LRP8: variants seen among roughly 807,000 people sequenced by gnomAD.
LRP8 encodes the protein LDL receptor related protein 8.
Under a neutral mutation model 111.6 loss-of-function variants are expected in LRP8, and 46 were observed. The ratio of observed to expected loss-of-function variants is 0.41; its 90% CI spans 0.33 to 0.53. LRP8 has a LOEUF of 0.53. Ranked by LOEUF, LRP8 falls within the 20% of genes least tolerant of loss-of-function variation. The pLI is 0.20. For synonymous variants in LRP8, 464 were observed against 511.2 expected, an observed-to-expected ratio of 0.91 and a Z score of 1.24; for missense variants, 959 against 1,297.4, an observed-to-expected ratio of 0.74 and a Z score of 4.01.
At chr1:53,283,375 CG>C (rs1245213406) in intron 3 of LRP8, among the ~76,000 whole-genome samples, 1 of 151,932 alleles carries the variant, frequency 6.6e-6, no homozygotes, top group East Asian at 1.9e-4. Context: ...GTGCAAATTC[CG>C]GGGGTGCCAT....
intron 2 of LRP8, among the ~76,000 whole-genome samples, chr1:53,314,016 G>A (rs981021283): frequency 1.3e-5 from 2 of 152,120 alleles, no homozygotes; most frequent in Admixed American, 6.5e-5. Flanking sequence ...GGTGAGTGTC[G>A]GGACCTTCTT....
In LRP8 at chr1:53,244,711, T is replaced by C. The variant is rs1369263437; in HGVS notation, c.*2307A>G. 6.6e-6 allele frequency: 1 copy of C among 152,238 alleles called. No individual in the cohort carries two copies. Among genetic ancestry groups the C allele is most frequent in the Non-Finnish European group, 1.5e-5 (1 of 68,030 alleles). The allele number at this position is 152,238 out of a possible 1,614,324, so 9.4% of individuals were successfully genotyped here. A position where few individuals can be genotyped will look rare whatever the true frequency, so the allele number is the denominator to read the frequency against. Reference sequence around the variant, plus strand: ...TTTTTTTCTGTGAATGCCAGGATCTTACTGAAAGTTTAGAAACTATGCCTT... The same window carrying C: ...TTTTTTTCTGTGAATGCCAGGATCTCACTGAAAGTTTAGAAACTATGCCTT... On this transcript the variant is annotated 3_prime_UTR_variant, in exon 19 of 19. Transcript: ENST00000306052.
chr1:53,314,781 T>A (rs1299625985), intron 2 of LRP8, among the ~76,000 whole-genome samples: 2 of 152,196 alleles, frequency 1.3e-5, no homozygotes, highest in African/African-American at 2.4e-5. Flanking sequence ...TTTGGCCTAA[T>A]GAAGATGCTG....
rs755061926 is a variant in LRP8, at chr1:53,326,863, C to T, written c.244+10G>A. On this transcript the variant is annotated intron_variant, in intron 2 of 18. Transcript: ENST00000306052. The stretch of plus-strand genomic sequence containing the variant: ...CTCCCCGGGTCTGAGCTCCCTGGCC[C>T]GCCACTCACGGCAGTCGTCCTCGTC... The T allele has an allele frequency of 3.1e-6, 5 of 1,611,640 alleles. No homozygotes were observed. The highest frequency in any genetic ancestry group is 4.2e-6 in the Non-Finnish European group (5 of 1,179,140).
intron 15 of LRP8, among the ~76,000 whole-genome samples, chr1:53,256,903 G>T (rs1185829462): frequency 6.6e-6 from 1 of 152,236 alleles, no homozygotes; most frequent in Admixed American, 6.5e-5. Flanking sequence ...GTCAGCAACG[G>T]CTGTGTGCGT....
At chr1:53,307,909 C>T (rs1040259928) in intron 2 of LRP8, among the ~76,000 whole-genome samples, 2 of 152,238 alleles carry the variant, frequency 1.3e-5, no homozygotes, top group African/African-American at 4.8e-5. Flanking sequence ...TTCCCCCTCA[C>T]CTGGTGAGTA....
In LRP8 at chr1:53,244,981, A is replaced by G. The variant is rs1645697092; in HGVS notation, c.*2037T>C. On this transcript the variant is annotated 3_prime_UTR_variant, in exon 19 of 19. Transcript: ENST00000306052. ...TAGGTCAACTGCATTTACCCTCTCAATGAATGTTTCAGGACTATCAACACA... is the reference window on the plus strand; with the variant it reads ...TAGGTCAACTGCATTTACCCTCTCAGTGAATGTTTCAGGACTATCAACACA... 1 of 152,178 alleles carries G rather than the reference A, an allele frequency of 6.6e-6. No homozygotes were observed. Among genetic ancestry groups the G allele is most frequent in the South Asian group, 2.1e-4 (1 of 4,834 alleles). The allele number at this position is 152,178 out of a possible 1,614,324, so 9.4% of individuals were successfully genotyped here.
chr1:53,262,289 T>C lies in LRP8; in HGVS notation c.1775-82A>G, dbSNP rs1424569534. On this transcript the variant is annotated intron_variant, in intron 11 of 18. Transcript: ENST00000306052. The surrounding 1 kb of genome is among the most constrained non-coding windows in gnomAD (Gnocchi z 4.8). ...TCCTTTGTACCTCTCCCTGCCCACA[T>C]TTCTAGGCCTCACACTGAGGCCAGC... The C allele has an allele frequency of 6.3e-7, 1 of 1,581,180 alleles. No homozygotes were observed. The highest frequency in any genetic ancestry group is 2.2e-5 in the East Asian group (1 of 44,536).
At chr1:53,326,852 G>A in intron 2 of LRP8, 21 bp downstream of exon 2, 1 of 1,609,566 alleles carries the variant, frequency 6.2e-7, no homozygotes, top group Non-Finnish European at 8.5e-7. Context: ...CCGGGTCTGA[G>A]CTCCCTGGCC....
intron 6 of LRP8, among the ~76,000 whole-genome samples, chr1:53,272,363 C>A (rs1476142073): frequency 4.6e-5 from 7 of 152,184 alleles, no homozygotes; most frequent in Non-Finnish European, 1.0e-4. Flanking sequence ...GCTCTTACAG[C>A]CTCTCCTGAG....
chr1:53,279,582 C>T lies in LRP8; in HGVS notation c.496+1005G>A, dbSNP rs1043449324. Among the ~76,000 whole-genome samples, 2 of 152,192 alleles carry T rather than the reference C, an allele frequency of 1.3e-5. No individual in the cohort carries two copies. The highest frequency in any genetic ancestry group is 2.9e-5 in the Non-Finnish European group (2 of 68,040). On this transcript the variant is annotated intron_variant, in intron 4 of 18. Coordinates refer to ENST00000306052, the MANE Select transcript of LRP8 (RefSeq NM_004631.5). The surrounding 1 kb of genome is among the most constrained non-coding windows in gnomAD (Gnocchi z 4.4). ...CTTCCTGCTTCAGACACATCAAATT[C>T]CAGACTTAGAATCTTAAAGTGTGAC... is the stretch of plus-strand genomic sequence containing the variant.
intron 8 of LRP8, 151 bp downstream of exon 8, chr1:53,270,877 A>T: frequency 9.0e-7 from 1 of 1,111,186 alleles, no homozygotes; most frequent in Non-Finnish European, 1.3e-6. Context: ...CTCCCAAGCT[A>T]GACAAGGGAC....
At position 53,262,514 on chromosome 1, in the gene LRP8, C is replaced by T. The variant is rs1646380665; in HGVS notation, c.1706G>A (p.Gly569Glu). 1 of 1,614,176 alleles carries T rather than the reference C, an allele frequency of 6.2e-7. No individual in the cohort carries two copies. The highest frequency in any genetic ancestry group is 8.5e-7 in the Non-Finnish European group (1 of 1,180,048). ...TGTTTGCCGGTCCACACCGTTGAGC[C>T]CAGATTTCTCAATCTTGGCCTGGTC... ...WGDQAKIEKS[G>E]LNGVDRQTLV... Residue 569 changes from glycine to glutamate, a missense_variant, in exon 11 of 19, where the codon GGG (glycine) becomes GAG (glutamate). This residue lies in a region of LRP8 where 819 missense variants were observed against 1,097.6 expected (regional missense o/e 0.75). Coordinates refer to ENST00000306052, the MANE Select transcript of LRP8 (RefSeq NM_004631.5). This position sits in a 1 kb window ranked among gnomAD's most constrained non-coding sequence, Gnocchi z 4.8.
intron 2 of LRP8, among the ~76,000 whole-genome samples, chr1:53,301,582 T>A (rs1650876089): frequency 6.6e-6 from 1 of 151,872 alleles, no homozygotes; most frequent in African/African-American, 2.4e-5. Flanking sequence ...CCAAAAAAAA[T>A]TAGCTGGGCA....
chr1:53,282,118 GAGAGA>G (rs1647133227), intron 3 of LRP8, among the ~76,000 whole-genome samples: 6 of 152,214 alleles, frequency 3.9e-5, no homozygotes. Flanking sequence ...TAGCTGGGAT[GAGAGA>G]CCACAAGGGA....
At chr1:53,315,571 C>A (rs772520222) in intron 2 of LRP8, among the ~76,000 whole-genome samples, 1 of 152,184 alleles carries the variant, frequency 6.6e-6, no homozygotes, top group Non-Finnish European at 1.5e-5. Flanking sequence ...TGACCCCAGG[C>A]GGCCTGGTAG....
intron 3 of LRP8, among the ~76,000 whole-genome samples, chr1:53,286,508 C>T (rs1434045844): frequency 6.6e-6 from 1 of 152,226 alleles, no homozygotes; most frequent in Non-Finnish European, 1.5e-5. Flanking sequence ...TCACCCCTCC[C>T]AACAGAAGCC....
intron 8 of LRP8, among the ~76,000 whole-genome samples, 183 bp downstream of exon 8, chr1:53,270,845 T>C (rs1475356103): frequency 1.3e-5 from 2 of 152,216 alleles, no homozygotes; most frequent in African/African-American, 2.4e-5. Context: ...ATGTTACTAA[T>C]TGTCTCTTGG....
chr1:53,307,016 C>T (rs1206378214), intron 2 of LRP8, among the ~76,000 whole-genome samples: 1 of 152,204 alleles, frequency 6.6e-6, no homozygotes, highest in Non-Finnish European at 1.5e-5. Context: ...CTGATATCTC[C>T]TCCTTGAAAC....
Sources: allele counts gnomAD v4.1 joint callset (sites outside exome capture counted in the v4.1 genomes callset), GRCh38; gene constraint gnomAD v4.1.1; regional missense constraint gnomAD v4.1.1; non-coding constraint Gnocchi (gnomAD v3.1); transcripts MANE v1.5; gene names NCBI Gene and HGNC (gene_info 2026-07-23, HGNC 2026-07-21).